Variants in TMEM132E observed in about 807,000 individuals in gnomAD.
TMEM132E encodes the protein transmembrane protein 132E.
A neutral mutation model predicts 78.5 loss-of-function variants in TMEM132E; 49 were observed. The observed-to-expected ratio is 0.62, with a 90% CI of 0.50 to 0.79. The LOEUF is 0.79. Ranked by LOEUF, TMEM132E falls within the 30% of genes least tolerant of loss-of-function variation. The probability of loss-of-function intolerance (pLI) is 0.00; values close to 1 mark genes in which losing one functional copy is unlikely to be tolerated. For synonymous variants in TMEM132E, 715 were observed against 670.6 expected (o/e 1.07, Z -1.02); for missense variants, 1,403 against 1,470.9 (o/e 0.95, Z 0.75).
At position 34,638,268 on chromosome 17, in the gene TMEM132E, A is replaced by AC; in HGVS notation, c.*36_*37insC. 1.4e-6 allele frequency: 2 copies of AC among 1,435,846 alleles called. No individual in the cohort carries two copies. The highest frequency in any genetic ancestry group is 1.9e-6 in the Non-Finnish European group (2 of 1,079,896). The allele number at this position is 1,435,846 out of a possible 1,614,324, so 88.9% of individuals were successfully genotyped here. On this transcript the variant is annotated 3_prime_UTR_variant, in exon 9 of 9. Coordinates refer to ENST00000631683, the MANE Select transcript of TMEM132E (RefSeq NM_001304438.2). ...CGGAGTAGCAGGGACCCCCCCCCCC[A>AC]ACGGGGTCAGCTCGGGGTAGGACAC... is the stretch of plus-strand genomic sequence containing the variant.
chr17:34,617,684 CA>C (rs1453665641), intron 1 of TMEM132E, among the ~76,000 whole-genome samples: 5 of 152,196 alleles, frequency 3.3e-5, no homozygotes, highest in Non-Finnish European at 1.5e-5. Flanking sequence ...CAAGGACACA[CA>C]GCTATGTCAG....
chr17:34,625,605 AGAG>A (rs1270958535), intron 1 of TMEM132E, among the ~76,000 whole-genome samples: 1 of 147,194 alleles, frequency 6.8e-6, no homozygotes, highest in Non-Finnish European at 1.5e-5. Flanking sequence ...GATCATAATA[AGAG>A]GTACCTCAGA....
At chr17:34,593,291 C>T (rs531141273) in intron 1 of TMEM132E, among the ~76,000 whole-genome samples, 3 of 152,162 alleles carry the variant, frequency 2.0e-5, no homozygotes, top group East Asian at 3.9e-4. Context: ...AACGTGTAAT[C>T]AGTATAAAAG....
At chr17:34,582,254 T>G (rs1262123340) in intron 1 of TMEM132E, among the ~76,000 whole-genome samples, 1 of 151,550 alleles carries the variant, frequency 6.6e-6, no homozygotes, top group Non-Finnish European at 1.5e-5. Flanking sequence ...TCCGCATTGG[T>G]GGAGCGCCCT....
chr17:34,587,517 T>G (rs548496051), intron 1 of TMEM132E, among the ~76,000 whole-genome samples: 2 of 152,140 alleles, frequency 1.3e-5, no homozygotes, highest in African/African-American at 4.8e-5. Flanking sequence ...GGTCTGATAG[T>G]GACTGATGAC....
Position 34,630,155 on chromosome 17 carries a change from G to A in TMEM132E, c.1482+4G>A. 1 of 1,607,664 alleles carries A rather than the reference G, an allele frequency of 6.2e-7. No homozygotes were observed. Among genetic ancestry groups the A allele is most frequent in the East Asian group, 2.2e-5 (1 of 44,614 alleles). ...TGACAATGAAGACATCATCAAGGTG[G>A]GCATCCTGGAGGTGGGGCCCCTGGG... On this transcript the variant is annotated splice_donor_region_variant and intron_variant, in intron 5 of 8. Transcript: ENST00000631683.
chr17:34,620,917 C>T (rs1304882725), intron 1 of TMEM132E, among the ~76,000 whole-genome samples: 2 of 152,186 alleles, frequency 1.3e-5, no homozygotes, highest in Non-Finnish European at 2.9e-5. Context: ...CTGGTGAAGC[C>T]ACTATTCATG....
intron 1 of TMEM132E, 99 bp from the exon 2 acceptor site, chr17:34,626,028 G>A: frequency 1.7e-6 from 2 of 1,144,336 alleles, no homozygotes; most frequent in Non-Finnish European, 2.4e-6. Flanking sequence ...GGAGTTGGCA[G>A]CCCTCTGTGG....
intron 1 of TMEM132E, among the ~76,000 whole-genome samples, chr17:34,593,266 A>G (rs1597676737): frequency 6.6e-6 from 1 of 152,194 alleles, no homozygotes; most frequent in East Asian, 1.9e-4. Flanking sequence ...TTATATTGAA[A>G]CAATCAAAAA....
intron 4 of TMEM132E, among the ~76,000 whole-genome samples, 153 bp downstream of exon 4, chr17:34,629,357 A>G (rs973434816): frequency 2.0e-5 from 3 of 152,206 alleles, no homozygotes; most frequent in Non-Finnish European, 2.9e-5. Flanking sequence ...CTGTGTGAGA[A>G]GGTGCATGCA....
intron 1 of TMEM132E, among the ~76,000 whole-genome samples, chr17:34,587,512 G>A (rs568917169): frequency 3.9e-5 from 6 of 152,294 alleles, no homozygotes; most frequent in Admixed American, 3.3e-4. Context: ...GTGAGGGTCT[G>A]ATAGTGACTG....
chr17:34,609,330 G>T (rs1451895409), intron 1 of TMEM132E, among the ~76,000 whole-genome samples: 1 of 152,132 alleles, frequency 6.6e-6, no homozygotes, highest in African/African-American at 2.4e-5. Flanking sequence ...GAAGTGAGAT[G>T]GGGAGAGGTG....
chr17:34,588,146 C>A (rs1905742547), intron 1 of TMEM132E, among the ~76,000 whole-genome samples: 1 of 152,168 alleles, frequency 6.6e-6, no homozygotes, highest in Non-Finnish European at 1.5e-5. Flanking sequence ...ATGTCACAGT[C>A]TTTGTGCATG....
At position 34,638,325 on chromosome 17, in the gene TMEM132E, C is replaced by A. The variant is rs1907618530; in HGVS notation, c.*93C>A. The A allele has an allele frequency of 5.3e-6, 7 of 1,321,576 alleles. No individual in the cohort carries two copies. The highest frequency in any genetic ancestry group is 1.6e-5 in the South Asian group (1 of 64,472). 81.9% of individuals were successfully genotyped at this position (1,321,576 alleles called of 1,614,324 possible). A position where few individuals can be genotyped will look rare whatever the true frequency, so the allele number is the denominator to read the frequency against. On this transcript the variant is annotated 3_prime_UTR_variant, in exon 9 of 9. Transcript: ENST00000631683. The stretch of plus-strand genomic sequence containing the variant: ...GACCCCGGTTCACACTGACTCTGGG[C>A]GGCTGAATTGATTTTGTACTCCCTG...
At chr17:34,603,952 C>G (rs902024917) in intron 1 of TMEM132E, among the ~76,000 whole-genome samples, 2 of 152,136 alleles carry the variant, frequency 1.3e-5, no homozygotes, top group African/African-American at 4.8e-5. Context: ...TGGAGCCACC[C>G]TCCCTCTACC....
chr17:34,622,343 A>G (rs769451234), intron 1 of TMEM132E, among the ~76,000 whole-genome samples: 11 of 152,300 alleles, frequency 7.2e-5, no homozygotes, highest in Non-Finnish European at 1.6e-4. Context: ...TCAGGGACCC[A>G]CCCTGCTCCA....
chr17:34,617,886 C>T (rs1906834579), intron 1 of TMEM132E, among the ~76,000 whole-genome samples: 1 of 152,096 alleles, frequency 6.6e-6, no homozygotes, highest in South Asian at 2.1e-4. Flanking sequence ...CTGGAAAATA[C>T]ATAAAAACAT....
At chr17:34,581,973 G>A (rs1471569288) in intron 1 of TMEM132E, among the ~76,000 whole-genome samples, 2 of 152,082 alleles carry the variant, frequency 1.3e-5, no homozygotes, top group Admixed American at 6.5e-5. Flanking sequence ...TCAGACCAGA[G>A]GGAAGGAGGC....
intron 1 of TMEM132E, among the ~76,000 whole-genome samples, chr17:34,605,659 G>A (rs58920933): frequency 9.2e-5 from 14 of 152,066 alleles, no homozygotes; most frequent in Middle Eastern, 6.3e-3. Flanking sequence ...CTATTGCCAC[G>A]ATAAAGCCAC....
Sources: gnomAD v4.1 joint callset for allele counts (sites outside exome capture counted in the v4.1 genomes callset) on GRCh38, gnomAD v4.1.1 for gene constraint, MANE v1.5 for transcripts, NCBI Gene and HGNC (gene_info 2026-07-23, HGNC 2026-07-21) for gene names.